The following BYSL variants were observed in gnomAD, a reference collection of about 807,000 sequenced individuals.
BYSL encodes the protein bystin like.
BYSL carries 21 observed loss-of-function variants against 45.4 expected under a neutral mutation model. That is an observed-to-expected ratio of 0.46 (90% CI 0.33 to 0.67). The LOEUF is 0.67. Ranked by LOEUF, BYSL falls within the 30% of genes least tolerant of loss-of-function variation. The pLI, the probability that BYSL is intolerant of heterozygous loss-of-function variation, is 0.02. For synonymous variants in BYSL, 215 were observed against 231.3 expected (o/e 0.93, Z 0.64); for missense variants, 522 against 578.5 (o/e 0.90, Z 1.00).
At chr6:41,919,309 T>C (rs1672975727), upstream of BYSL, among the ~76,000 whole-genome samples, 1 of 152,060 alleles carries the variant, frequency 6.6e-6, no homozygotes, top group African/African-American at 2.4e-5. Context: ...TAGTGCCTGT[T>C]AAAACATTAA....
chr6:41,909,572 C>T, the BYSL span: 1 of 1,595,128 alleles, frequency 6.3e-7, no homozygotes, highest in Non-Finnish European at 8.6e-7. Context: ...ACTGGCAAAC[C>T]CCAGAGTAGA....
At chr6:41,926,611 C>T (rs2127385320) in intron 1 of BYSL, among the ~76,000 whole-genome samples, 1 of 151,500 alleles carries the variant, frequency 6.6e-6, no homozygotes, top group South Asian at 2.1e-4. Context: ...CCACCACGCC[C>T]AGCTAATTTT....
chr6:41,922,695 A>T (rs1775503144), intron 1 of BYSL, among the ~76,000 whole-genome samples: 1 of 152,216 alleles, frequency 6.6e-6, no homozygotes, highest in Non-Finnish European at 1.5e-5. Context: ...TCCTTGAGTG[A>T]CTACTCCTAA....
intron 1 of BYSL, among the ~76,000 whole-genome samples, chr6:41,924,212 C>CA (rs2127384645): frequency 1.3e-5 from 2 of 149,970 alleles, no homozygotes; most frequent in East Asian, 3.9e-4. Context: ...AGGCGCCCGC[C>CA]ACCACACCCA....
chr6:41,909,607 G>A, the BYSL span: 4 of 1,555,860 alleles, frequency 2.6e-6, no homozygotes, highest in Non-Finnish European at 3.5e-6. Flanking sequence ...CCCGGAATGA[G>A]GCCAGACAGC....
At chr6:41,921,940 T>G in intron 1 of BYSL, 110 bp downstream of exon 1, 1 of 1,406,526 alleles carries the variant, frequency 7.1e-7, no homozygotes, top group Non-Finnish European at 9.4e-7. Context: ...AAGGGGTCCG[T>G]ATTACACTTG....
At chr6:41,910,586 C>T in the BYSL span, among the ~76,000 whole-genome samples, 2 of 147,952 alleles carry the variant, frequency 1.4e-5, no homozygotes, top group South Asian at 2.1e-4. Flanking sequence ...GAGTTGAGAG[C>T]GTGTCACTGC....
At position 41,931,807 on chromosome 6, in the gene BYSL, C is replaced by T. The variant is rs779179146; in HGVS notation, c.945C>T (p.Cys315=). ...AIIVGSIITK[C]SIPVLHSSAA... ...TTGTGGGTAGCATCATCACCAAGTG[C>T]TCCATCCCTGTGTTGCACTCCAGGT... is the stretch of plus-strand genomic sequence containing the variant. The change falls in exon 6 of 7, where the codon TGC becomes TGT. Residue 315 remains cysteine (C), a synonymous_variant. Transcript: ENST00000230340. 6 of 1,614,082 alleles carry T rather than the reference C, an allele frequency of 3.7e-6. No homozygotes were observed. The highest frequency in any genetic ancestry group is 4.2e-6 in the Non-Finnish European group (5 of 1,179,972).
At chr6:41,912,199 CT>C in the BYSL span, among the ~76,000 whole-genome samples, 1,064 of 119,268 alleles carry the variant, frequency 8.9e-3, 6 homozygotes, top group African/African-American at 0.025. Flanking sequence ...CCATGCCCAC[CT>C]TTTTTTTTTT....
chr6:41,910,242 C>T, the BYSL span, among the ~76,000 whole-genome samples: 1 of 152,176 alleles, frequency 6.6e-6, no homozygotes, highest in Non-Finnish European at 1.5e-5. Context: ...CCCAGCTCAC[C>T]CCTTCCAGTC....
At chr6:41,917,127 C>T (rs764553722), upstream of BYSL, among the ~76,000 whole-genome samples, 3 of 152,052 alleles carry the variant, frequency 2.0e-5, no homozygotes, top group Non-Finnish European at 4.4e-5. Flanking sequence ...TTTGGCCAGG[C>T]GTGGTGGCTC....
At chr6:41,926,310 T>G (rs973979583) in intron 1 of BYSL, among the ~76,000 whole-genome samples, 1 of 152,212 alleles carries the variant, frequency 6.6e-6, no homozygotes, top group Non-Finnish European at 1.5e-5. Context: ...ACTACCTGTC[T>G]TGGGCAAATT....
At chr6:41,915,789 A>AACACACACACACACGCACAC in the BYSL span, among the ~76,000 whole-genome samples, 1 of 148,592 alleles carries the variant, frequency 6.7e-6, no homozygotes, top group African/African-American at 2.5e-5. Context: ...TCCGTCTCAA[A>AACACACACACACACGCACAC]ACACACACAC....
In BYSL at chr6:41,932,208, A is replaced by G. The variant is rs1311155098; in HGVS notation, c.969-153A>G. On this transcript the variant is annotated intron_variant, in intron 6 of 6. Transcript: ENST00000230340. The surrounding 1 kb of genome is among the most constrained non-coding windows in gnomAD (Gnocchi z 4.7). ...TGGTGACTGAGGTCAAGGGAGTATA[A>G]TATGATTGTGTAGGTGAGAAGGTCC... Among the ~76,000 whole-genome samples, 1 of 152,058 alleles carries G rather than the reference A, an allele frequency of 6.6e-6. No homozygotes were observed. The highest frequency in any genetic ancestry group is 1.9e-4 in the East Asian group (1 of 5,168).
intron 1 of BYSL, among the ~76,000 whole-genome samples, chr6:41,925,403 G>A (rs368561006): frequency 2.0e-5 from 3 of 148,054 alleles, no homozygotes; most frequent in East Asian, 2.0e-4. Flanking sequence ...TCGCTCTGTC[G>A]CCCAGGCTGG....
rs760167497 is a variant in BYSL, at chr6:41,932,456, G to T, written c.1064G>T (p.Arg355Leu). The change falls in exon 7 of 7, where the codon CGG becomes CTG. Residue 355 changes from arginine to leucine, a missense_variant. By Grantham distance (102) the Arg-to-Leu change is moderately radical. Coordinates refer to ENST00000230340, the MANE Select transcript of BYSL (RefSeq NM_004053.4). This position sits in a 1 kb window ranked among gnomAD's most constrained non-coding sequence, Gnocchi z 4.7. ...LLDKKYALPY[R>L]VLDALVFHFL... ...GATAAGAAGTATGCACTGCCTTACC[G>T]GGTGCTGGATGCCCTAGTCTTCCAC... The T allele has an allele frequency of 6.2e-7, 1 of 1,613,978 alleles. No homozygotes were observed. Among genetic ancestry groups the T allele is most frequent in the Non-Finnish European group, 8.5e-7 (1 of 1,180,026 alleles).
At chr6:41,926,357 A>T (rs1411519148) in intron 1 of BYSL, among the ~76,000 whole-genome samples, 1 of 152,184 alleles carries the variant, frequency 6.6e-6, no homozygotes, top group Non-Finnish European at 1.5e-5. Flanking sequence ...CTCATTTGAA[A>T]CTGGGTATAG....
At chr6:41,926,287 A>G (rs1775562320) in intron 1 of BYSL, among the ~76,000 whole-genome samples, 2 of 152,184 alleles carry the variant, frequency 1.3e-5, no homozygotes, top group Admixed American at 6.5e-5. Context: ...TGAAGAATGC[A>G]GTCTAGACCC....
intron 1 of BYSL, among the ~76,000 whole-genome samples, chr6:41,925,364 ATT>A (rs778564177): frequency 6.4e-5 from 9 of 141,186 alleles, no homozygotes; most frequent in Admixed American, 7.1e-5. Context: ...GACTAACTTC[ATT>A]TTTTTTTTTT....
Sources: allele counts gnomAD v4.1 joint callset (sites outside exome capture counted in the v4.1 genomes callset), GRCh38; gene constraint gnomAD v4.1.1; non-coding constraint Gnocchi (gnomAD v3.1); transcripts MANE v1.5; gene names NCBI Gene and HGNC (gene_info 2026-07-23, HGNC 2026-07-21).